FNDC3A: variants seen among roughly 807,000 people sequenced by gnomAD.
FNDC3A encodes the protein fibronectin type III domain containing 3A.
A neutral mutation model predicts 148.9 loss-of-function variants in FNDC3A; 32 were observed. The observed-to-expected ratio is 0.21, with a 90% confidence interval of 0.16 to 0.29. The LOEUF (loss-of-function observed/expected upper bound fraction) is 0.29. Ranked by LOEUF, FNDC3A falls within the 10% of genes least tolerant of loss-of-function variation. The probability of loss-of-function intolerance (pLI) is 1.00; values close to 1 mark genes in which losing one functional copy is unlikely to be tolerated. For synonymous variants in FNDC3A, 472 were observed against 473.6 expected (o/e 1.00, Z 0.04); for missense variants, 1,191 against 1,452.8 (o/e 0.82, Z 2.93).
chr13:49,129,454 G>T (rs1277850576), intron 4 of FNDC3A, among the ~76,000 whole-genome samples: 1 of 152,172 alleles, frequency 6.6e-6, no homozygotes, highest in Admixed American at 6.5e-5. Context: ...GAATTGGAGA[G>T]TGATAAAGGT....
At chr13:49,011,961 A>T (rs1432116127) in intron 2 of FNDC3A, among the ~76,000 whole-genome samples, 1 of 152,106 alleles carries the variant, frequency 6.6e-6, no homozygotes, top group Non-Finnish European at 1.5e-5. Context: ...GTCCAATTTG[A>T]CTGTTTTTCC....
At position 49,203,299 on chromosome 13, in the gene FNDC3A, A is replaced by G; in HGVS notation, c.3282+15A>G. ...AATTCAAACAGGTATGTACCAAGATATTAATGTGTGGATGCATATTTTTAC... is the reference window on the plus strand; with the variant it reads ...AATTCAAACAGGTATGTACCAAGATGTTAATGTGTGGATGCATATTTTTAC... On this transcript the variant is annotated intron_variant, in intron 25 of 25. Transcript: ENST00000492622. The G allele has an allele frequency of 6.3e-7, 1 of 1,578,678 alleles. No homozygotes were observed. Among genetic ancestry groups the G allele is most frequent in the Non-Finnish European group, 8.6e-7 (1 of 1,158,474 alleles).
intron 1 of FNDC3A, among the ~76,000 whole-genome samples, chr13:48,980,469 A>T (rs1181178039): frequency 6.6e-6 from 1 of 152,162 alleles, no homozygotes; most frequent in East Asian, 1.9e-4. Flanking sequence ...CTAATAATTG[A>T]TATTTACATT....
At chr13:49,135,070 C>T (rs925716723) in intron 5 of FNDC3A, among the ~76,000 whole-genome samples, 12 of 151,582 alleles carry the variant, frequency 7.9e-5, no homozygotes, top group South Asian at 2.1e-4. Context: ...TTGGCCAGGC[C>T]GGTCTTGAAC....
At chr13:49,019,878 A>C (rs1285109280) in intron 2 of FNDC3A, among the ~76,000 whole-genome samples, 1 of 152,054 alleles carries the variant, frequency 6.6e-6, no homozygotes, top group African/African-American at 2.4e-5. Flanking sequence ...TCTTTGGTTA[A>C]ATTTGTGTTT....
intron 5 of FNDC3A, among the ~76,000 whole-genome samples, chr13:49,133,989 G>A (rs745652442): frequency 3.3e-5 from 5 of 151,890 alleles, no homozygotes; most frequent in South Asian, 4.1e-4. Flanking sequence ...ACTTTTTGTC[G>A]AGATATAATT....
In FNDC3A at chr13:49,101,339, C is replaced by T. The variant is rs34827719; in HGVS notation, c.176-13316C>T. On this transcript the variant is annotated intron_variant, in intron 3 of 25. Transcript: ENST00000492622. ...GAGTTTAACACATATTATTTAGATG[C>T]TTATTCAGAACCTGCACTTTAATAC... Among the ~76,000 whole-genome samples the T allele has an allele frequency of 9.7e-3, 1,478 of 152,220 alleles. 10 individuals carry two copies. Among genetic ancestry groups the T allele is most frequent in the Non-Finnish European group, 0.016 (1,064 of 68,000 alleles).
At chr13:49,201,156 G>T in intron 23 of FNDC3A, 1 of 301,692 alleles carries the variant, frequency 3.3e-6, no homozygotes. Flanking sequence ...AAAATAATGG[G>T]ATGCATTCAA....
chr13:49,092,576 A>G (rs1030792261), intron 3 of FNDC3A, among the ~76,000 whole-genome samples: 11 of 152,056 alleles, frequency 7.2e-5, no homozygotes, highest in African/African-American at 2.4e-4. Context: ...CTTCAATCCA[A>G]TCAAGTTGAC....
At chr13:49,074,056 A>C (rs972739682) in intron 2 of FNDC3A, among the ~76,000 whole-genome samples, 4 of 151,968 alleles carry the variant, frequency 2.6e-5, no homozygotes, top group Non-Finnish European at 5.9e-5. Context: ...ATGAGAGGGC[A>C]TTCGAAGTAG....
intron 3 of FNDC3A, among the ~76,000 whole-genome samples, chr13:49,108,839 A>G (rs1442999226): frequency 2.0e-5 from 3 of 152,112 alleles, no homozygotes; most frequent in Admixed American, 2.0e-4. Flanking sequence ...CTGCCTTTTC[A>G]TAGGAATTTT....
chr13:49,132,731 C>G, intron 5 of FNDC3A, among the ~76,000 whole-genome samples: 1 of 152,182 alleles, frequency 6.6e-6, no homozygotes, highest in Non-Finnish European at 1.5e-5. Flanking sequence ...TCTTTCTTGC[C>G]TCGGTCCCTG....
rs1343319190 is a variant in FNDC3A, at chr13:49,039,807, C to T, written c.99+33518C>T. Among the ~76,000 whole-genome samples the T allele has an allele frequency of 1.2e-4, 19 of 152,148 alleles. 1 individual carries two copies. Among genetic ancestry groups the T allele is most frequent in the Admixed American group, 1.2e-3 (19 of 15,264 alleles). ...TCGGCTCACTGCAACCTTCGCCTCC[C>T]GGATTCAAGCGATCCTCCTGCTTCA... is the stretch of plus-strand genomic sequence containing the variant. On this transcript the variant is annotated intron_variant, in intron 2 of 25. Coordinates refer to ENST00000492622, the MANE Select transcript of FNDC3A (RefSeq NM_001079673.2).
At chr13:48,997,996 C>A (rs150395828) in intron 1 of FNDC3A, among the ~76,000 whole-genome samples, 30 of 151,790 alleles carry the variant, frequency 2.0e-4, no homozygotes, top group African/African-American at 7.0e-4. Context: ...GAGAGAAAGC[C>A]TCCATCTTCA....
chr13:49,067,906 A>G (rs985012680), intron 2 of FNDC3A, among the ~76,000 whole-genome samples: 1 of 152,174 alleles, frequency 6.6e-6, no homozygotes, highest in Non-Finnish European at 1.5e-5. Context: ...ATAAAATTTT[A>G]TCACTAATTA....
At chr13:49,067,726 A>T (rs906880839) in intron 2 of FNDC3A, among the ~76,000 whole-genome samples, 4 of 152,200 alleles carry the variant, frequency 2.6e-5, no homozygotes, top group South Asian at 2.1e-4. Context: ...GACCTCTAAA[A>T]ATCTGATGAA....
At chr13:48,984,616 ATAGT>A (rs568958972) in intron 1 of FNDC3A, among the ~76,000 whole-genome samples, 4 of 152,184 alleles carry the variant, frequency 2.6e-5, no homozygotes, top group African/African-American at 4.8e-5. Flanking sequence ...TGAAGTAAAG[ATAGT>A]TAGGTACCCA....
chr13:49,193,991 T>C (rs1227568066), intron 19 of FNDC3A, among the ~76,000 whole-genome samples: 1 of 152,010 alleles, frequency 6.6e-6, no homozygotes, highest in African/African-American at 2.4e-5. Context: ...CTAGGCACAG[T>C]AGCTCACACC....
intron 1 of FNDC3A, among the ~76,000 whole-genome samples, chr13:49,005,498 G>GT (rs11340123): frequency 5.7e-4 from 86 of 151,624 alleles, no homozygotes; most frequent in African/African-American, 2.0e-3. Context: ...GTAAATATAT[G>GT]TTTTTTTGTT....
Sources: allele counts gnomAD v4.1 joint callset (sites outside exome capture counted in the v4.1 genomes callset), GRCh38; gene constraint gnomAD v4.1.1; transcripts MANE v1.5; gene names NCBI Gene and HGNC (gene_info 2026-07-23, HGNC 2026-07-21).